CFAP61: variants seen among roughly 807,000 people sequenced by gnomAD.
The protein encoded by CFAP61 is cilia- and flagella-associated protein 61.
CFAP61 carries 107 observed loss-of-function variants against 135.6 expected under a neutral mutation model. The observed-to-expected ratio is 0.79, with a 90% CI of 0.67 to 0.93. The LOEUF (loss-of-function observed/expected upper bound fraction) is 0.93. Ranked by LOEUF, CFAP61 falls within the 40% of genes least tolerant of loss-of-function variation. The probability of loss-of-function intolerance (pLI) is 0.00; values close to 1 mark genes in which losing one functional copy is unlikely to be tolerated. For synonymous variants in CFAP61, 575 were observed against 578.5 expected (o/e 0.99, Z 0.09); for missense variants, 1,507 against 1,556.2 (o/e 0.97, Z 0.53).
intron 26 of CFAP61, among the ~76,000 whole-genome samples, chr20:20,347,008 C>T (rs1038749052): frequency 6.6e-6 from 1 of 152,044 alleles, no homozygotes; most frequent in Non-Finnish European, 1.5e-5. Context: ...TGTTAGGCCA[C>T]AAAACAAGTG....
At chr20:20,227,181 G>C (rs998019389) in intron 17 of CFAP61, among the ~76,000 whole-genome samples, 4 of 152,214 alleles carry the variant, frequency 2.6e-5, no homozygotes, top group African/African-American at 9.6e-5. Flanking sequence ...CCATTATTCT[G>C]TCAGACTTCC....
At chr20:20,205,767 G>A (rs769136465) in intron 17 of CFAP61, among the ~76,000 whole-genome samples, 5 of 152,198 alleles carry the variant, frequency 3.3e-5, no homozygotes, top group Non-Finnish European at 7.3e-5. Context: ...TCTGCAGTTA[G>A]CTCTCTGCTG....
intron 25 of CFAP61, among the ~76,000 whole-genome samples, chr20:20,327,605 G>C (rs1030485999): frequency 2.6e-5 from 4 of 151,804 alleles, no homozygotes; most frequent in African/African-American, 7.3e-5. Flanking sequence ...TCTTTGGACT[G>C]CCATTACCTT....
chr20:20,254,185 T>C (rs139060142), intron 20 of CFAP61, among the ~76,000 whole-genome samples: 357 of 65,486 alleles, frequency 5.5e-3, no homozygotes, highest in Middle Eastern at 0.014. Flanking sequence ...CCTCCCCTCC[T>C]CTCCTCTCCT....
chr20:20,334,125 T>C (rs1218092303), intron 25 of CFAP61, among the ~76,000 whole-genome samples: 1 of 152,088 alleles, frequency 6.6e-6, no homozygotes, highest in East Asian at 1.9e-4. Flanking sequence ...TAAGCAATGT[T>C]AACTTCTTCT....
intron 25 of CFAP61, among the ~76,000 whole-genome samples, chr20:20,317,560 T>C (rs2057209054): frequency 6.6e-6 from 1 of 152,204 alleles, no homozygotes; most frequent in African/African-American, 2.4e-5. Flanking sequence ...TTGTGACTTA[T>C]TGTTCACTCT....
At chr20:20,338,750 T>C (rs1413498530) in intron 25 of CFAP61, among the ~76,000 whole-genome samples, 1 of 152,246 alleles carries the variant, frequency 6.6e-6, no homozygotes, top group East Asian at 1.9e-4. Flanking sequence ...GCGTGTCTAA[T>C]GGCCAAGCCG....
At position 20,141,164 on chromosome 20, in the gene CFAP61, A is replaced by G. The variant is rs544878200; in HGVS notation, c.860-1693A>G. ...TTGAACTCCTGACCTCAGGTGATCC[A>G]ACTCCCTTGGCCTCCCAAAGTGCTG... On this transcript the variant is annotated intron_variant, in intron 8 of 26. Coordinates refer to ENST00000245957, the MANE Select transcript of CFAP61 (RefSeq NM_015585.4). Among the ~76,000 whole-genome samples the G allele has an allele frequency of 3.5e-4, 53 of 152,212 alleles. No homozygotes were observed. In the South Asian group the frequency reaches 0.011, roughly 32 times the overall value.
At chr20:20,336,177 T>C (rs1158962691) in intron 25 of CFAP61, among the ~76,000 whole-genome samples, 1 of 152,146 alleles carries the variant, frequency 6.6e-6, no homozygotes, top group African/African-American at 2.4e-5. Context: ...CACCAGGTGG[T>C]ATGCAGGATA....
chr20:20,094,991 CTTGT>C (rs2047462565), intron 7 of CFAP61, among the ~76,000 whole-genome samples: 2 of 152,166 alleles, frequency 1.3e-5, no homozygotes, highest in African/African-American at 4.8e-5. Context: ...CTGCAAACTG[CTTGT>C]TAAACACAGC....
chr20:20,218,096 G>A (rs6081924), intron 17 of CFAP61, among the ~76,000 whole-genome samples: 21,379 of 152,184 alleles, frequency 0.14, 1,622 homozygotes, highest in Middle Eastern at 0.22. Context: ...TCCTAGAACA[G>A]TTAAACTTCA....
At chr20:20,106,728 C>T (rs768151523) in intron 8 of CFAP61, among the ~76,000 whole-genome samples, 57 of 152,308 alleles carry the variant, frequency 3.7e-4, no homozygotes, top group Non-Finnish European at 5.4e-4. Flanking sequence ...CATCTCAGTA[C>T]ATTCACATGT....
At chr20:20,118,564 C>A (rs1376560354) in intron 8 of CFAP61, among the ~76,000 whole-genome samples, 1 of 152,080 alleles carries the variant, frequency 6.6e-6, no homozygotes, top group East Asian at 1.9e-4. Context: ...TGGTCTCGAA[C>A]TCCTGACCTC....
chr20:20,053,310 T>C (rs1056734801), intron 1 of CFAP61, among the ~76,000 whole-genome samples: 2 of 152,228 alleles, frequency 1.3e-5, no homozygotes. Context: ...ATTTCCTCCC[T>C]CCACAGCTTC....
At chr20:20,320,833 A>G (rs1418804322) in intron 25 of CFAP61, among the ~76,000 whole-genome samples, 5 of 151,756 alleles carry the variant, frequency 3.3e-5, no homozygotes, top group Non-Finnish European at 5.9e-5. Context: ...CTGAGGGGCA[A>G]TGTAGAGAAG....
chr20:20,259,656 A>C (rs2051995552), intron 20 of CFAP61: 1 of 152,094 alleles, frequency 6.6e-6, no homozygotes, highest in South Asian at 2.1e-4. Flanking sequence ...TGCAAGAGGC[A>C]AGAAAGAGGA....
At chr20:20,196,001 A>G (rs1171765096) in intron 15 of CFAP61, among the ~76,000 whole-genome samples, 1 of 152,210 alleles carries the variant, frequency 6.6e-6, no homozygotes, top group African/African-American at 2.4e-5. Context: ...GGATCTCTTG[A>G]ACCCAGGAGG....
intron 8 of CFAP61, among the ~76,000 whole-genome samples, chr20:20,136,304 A>G (rs948054224): frequency 3.9e-5 from 6 of 152,100 alleles, no homozygotes; most frequent in African/African-American, 1.2e-4. Context: ...CTCTGTTACT[A>G]TCCCCTTGAA....
rs538606006 is a variant in CFAP61, at chr20:20,248,545, G to T, written c.2159+2330G>T. 8.7e-4 allele frequency among the ~76,000 whole-genome samples: 132 copies of T among 152,334 alleles called. 1 individual carries two copies. The highest frequency in any genetic ancestry group is 2.4e-3 in the African/African-American group (98 of 41,576). On this transcript the variant is annotated intron_variant, in intron 19 of 26. Transcript: ENST00000245957. ...CTAATGGCATGTCTGGGATGCAGCC[G>T]AAAGGAAGGCAGTGGGAGAGGAGAA...
Sources: allele counts gnomAD v4.1 joint callset (sites outside exome capture counted in the v4.1 genomes callset), GRCh38; gene constraint gnomAD v4.1.1; transcripts MANE v1.5; gene names NCBI Gene and HGNC (gene_info 2026-07-23, HGNC 2026-07-21).